NME7: variants seen among roughly 807,000 people sequenced by gnomAD.
The protein encoded by NME7 is NME/NM23 family member 7.
Under a neutral mutation model 49.1 loss-of-function variants are expected in NME7, and 41 were observed. The ratio of observed to expected loss-of-function variants is 0.83; its 90% confidence interval spans 0.65 to 1.08. The LOEUF is 1.08. Among genes scored for constraint, NME7 ranks in the 50% least tolerant of loss-of-function variants. The pLI is 0.00. For missense variants in NME7, 423 were observed against 463.4 expected (o/e 0.91, Z 0.80); for synonymous variants, 139 against 150.6 (o/e 0.92, Z 0.56).
intron 1 of NME7, among the ~76,000 whole-genome samples, chr1:169,333,738 T>C (rs1358216677): frequency 6.6e-6 from 1 of 152,132 alleles, no homozygotes; most frequent in Non-Finnish European, 1.5e-5. Flanking sequence ...TTAGACACTC[T>C]CCTTAACTGT....
At chr1:169,240,528 T>C (rs549577423) in intron 7 of NME7, among the ~76,000 whole-genome samples, 2 of 152,066 alleles carry the variant, frequency 1.3e-5, no homozygotes, top group Admixed American at 6.6e-5. Context: ...TTTGTTGCAA[T>C]GTATAATCTA....
In NME7 at chr1:169,355,047, AAT is replaced by A. The variant is rs1461122346; in HGVS notation, c.3+12659_3+12660del. Among the ~76,000 whole-genome samples, 106 of 78,180 alleles carry A rather than the reference AAT, an allele frequency of 1.4e-3. 12 individuals are homozygous for A. Among genetic ancestry groups the A allele is most frequent in the East Asian group, 0.012 (35 of 2,840 alleles). The allele number at this position is 78,180 out of a possible 152,430, so 51.3% of individuals were successfully genotyped here. A position where few individuals can be genotyped will look rare whatever the true frequency, so the allele number is the denominator to read the frequency against. ...ATTATATATTATATATTATAGATAT[AAT>A]ATATAATATACTATATATTATAGAT... On this transcript the variant is annotated intron_variant, in intron 1 of 11. Coordinates refer to ENST00000367811, the MANE Select transcript of NME7 (RefSeq NM_013330.5).
At chr1:169,255,035 A>C (rs1648857650) in intron 7 of NME7, among the ~76,000 whole-genome samples, 1 of 134,828 alleles carries the variant, frequency 7.4e-6, no homozygotes, top group Non-Finnish European at 1.7e-5. Flanking sequence ...AAAAATGTAT[A>C]TTCTGTTGAT....
intron 11 of NME7, among the ~76,000 whole-genome samples, chr1:169,165,105 C>G (rs1659370911): frequency 7.8e-6 from 1 of 128,812 alleles, no homozygotes; most frequent in Non-Finnish European, 1.8e-5. Context: ...TCATAAATAC[C>G]ATAATTTATT....
At chr1:169,363,822 C>T (rs892669767) in intron 1 of NME7, among the ~76,000 whole-genome samples, 1 of 152,134 alleles carries the variant, frequency 6.6e-6, no homozygotes, top group Non-Finnish European at 1.5e-5. Context: ...CATTGACCAC[C>T]TAATTTGAAA....
At chr1:169,151,436 C>T (rs1658912053) in intron 11 of NME7, among the ~76,000 whole-genome samples, 1 of 152,148 alleles carries the variant, frequency 6.6e-6, no homozygotes, top group African/African-American at 2.4e-5. Context: ...CCCAGCTGAC[C>T]ACCATCCTCA....
intron 7 of NME7, chr1:169,284,044 T>TC (rs1464439012): frequency 6.6e-6 from 1 of 152,226 alleles, no homozygotes; most frequent in Non-Finnish European, 1.5e-5. Context: ...AAGAGTGTTT[T>TC]CCGACTTGGT....
chr1:169,156,759 G>A (rs149332873), intron 11 of NME7, among the ~76,000 whole-genome samples: 4 of 152,304 alleles, frequency 2.6e-5, no homozygotes, highest in Non-Finnish European at 4.4e-5. Context: ...GCCCCACTAT[G>A]ACGGGATATA....
rs185955680 is a variant in NME7, at chr1:169,283,297, G to C, written c.754+4006C>G. 1.2e-4 allele frequency among the ~76,000 whole-genome samples: 19 copies of C among 152,108 alleles called. No individual in the cohort carries two copies. In the East Asian group the frequency reaches 2.9e-3, roughly 23 times the overall value. On this transcript the variant is annotated intron_variant, in intron 7 of 11. Transcript: ENST00000367811. ...TGCTTTTTTTGCTTTCCATTTGCTT[G>C]GTAAATATTCCTCCATCCCTTTACT... is the stretch of plus-strand genomic sequence containing the variant.
At chr1:169,363,924 A>G (rs1653755345) in intron 1 of NME7, among the ~76,000 whole-genome samples, 1 of 152,222 alleles carries the variant, frequency 6.6e-6, no homozygotes, top group Admixed American at 6.5e-5. Flanking sequence ...ACATAATGTA[A>G]GACAGGCAAA....
At chr1:169,230,998 A>G (rs1041045452) in intron 9 of NME7, among the ~76,000 whole-genome samples, 179 bp from the exon 10 acceptor site, 5 of 152,122 alleles carry the variant, frequency 3.3e-5, no homozygotes, top group African/African-American at 1.2e-4. Context: ...TATTTTTTAG[A>G]TATGCTCTCT....
chr1:169,302,746 T>C (rs1317736400), intron 5 of NME7, among the ~76,000 whole-genome samples: 3 of 152,018 alleles, frequency 2.0e-5, no homozygotes, highest in African/African-American at 2.4e-5. Context: ...CCTGCACATG[T>C]ACCCCCTGAA....
chr1:169,366,370 A>G (rs751604585), intron 1 of NME7, among the ~76,000 whole-genome samples: 3 of 152,250 alleles, frequency 2.0e-5, no homozygotes, highest in Non-Finnish European at 2.9e-5. Flanking sequence ...TGTCTGTTTG[A>G]TATAAGTAAA....
At chr1:169,311,369 A>C (rs1456665107) in intron 3 of NME7, among the ~76,000 whole-genome samples, 1 of 150,216 alleles carries the variant, frequency 6.7e-6, no homozygotes. Flanking sequence ...CAGTGAGCCA[A>C]GATAGCACCA....
intron 1 of NME7, among the ~76,000 whole-genome samples, chr1:169,342,983 ATATACTTGTATTAG>A (rs1652828909): frequency 1.0e-5 from 1 of 99,114 alleles, no homozygotes; most frequent in Non-Finnish European, 2.3e-5. Flanking sequence ...AAGTACATAT[ATATACTTGTATTAG>A]TATATATATA....
chr1:169,143,099 C>T (rs1468339563), intron 11 of NME7, among the ~76,000 whole-genome samples: 1 of 152,074 alleles, frequency 6.6e-6, no homozygotes, highest in East Asian at 1.9e-4. Flanking sequence ...CCCTTCAGTC[C>T]ATTTTCCACA....
chr1:169,284,219 T>C (rs1650166181), intron 7 of NME7: 1 of 152,098 alleles, frequency 6.6e-6, no homozygotes, highest in African/African-American at 2.4e-5. Flanking sequence ...CTGACATCCT[T>C]TCTTCTACTT....
chr1:169,341,085 C>T (rs904437953), intron 1 of NME7, among the ~76,000 whole-genome samples: 1 of 152,192 alleles, frequency 6.6e-6, no homozygotes, highest in African/African-American at 2.4e-5. Context: ...TGCCTCCAGG[C>T]CGTGTCAGAG....
At chr1:169,159,872 C>T (rs1659192804) in intron 11 of NME7, among the ~76,000 whole-genome samples, 1 of 152,144 alleles carries the variant, frequency 6.6e-6, no homozygotes, top group Non-Finnish European at 1.5e-5. Flanking sequence ...CACAAACTTC[C>T]CTAGTTTGTG....
Sources: allele counts gnomAD v4.1 joint callset (sites outside exome capture counted in the v4.1 genomes callset), GRCh38; gene constraint gnomAD v4.1.1; transcripts MANE v1.5; gene names NCBI Gene and HGNC (gene_info 2026-07-23, HGNC 2026-07-21).